CASS4: variants seen among roughly 807,000 people sequenced by gnomAD.
The protein encoded by CASS4 is cas scaffolding protein family member 4.
Under a neutral mutation model 54.2 loss-of-function variants are expected in CASS4, and 22 were observed. The observed-to-expected ratio is 0.41, with a 90% confidence interval of 0.29 to 0.58. The LOEUF is 0.58. Ranked by LOEUF, CASS4 falls within the 20% of genes least tolerant of loss-of-function variation. The probability of loss-of-function intolerance (pLI) is 0.36; values close to 1 mark genes in which losing one functional copy is unlikely to be tolerated. For synonymous variants in CASS4, 409 were observed against 391.5 expected (o/e 1.04, Z -0.53); for missense variants, 854 against 986.7 (o/e 0.87, Z 1.80).
chr20:56,420,555 ATTT>A (rs11475630), intron 1 of CASS4, among the ~76,000 whole-genome samples: 86 of 137,326 alleles, frequency 6.3e-4, no homozygotes, highest in African/African-American at 2.3e-3. Flanking sequence ...TGCCCATCTA[ATTT>A]TTTTTTTTTT....
At chr20:56,455,133 T>TAAA (rs11383849) in intron 5 of CASS4, among the ~76,000 whole-genome samples, 71 of 149,724 alleles carry the variant, frequency 4.7e-4, no homozygotes, top group African/African-American at 1.3e-3. Flanking sequence ...CTTCCTTTTT[T>TAAA]AAAAAAAAAA....
Position 56,450,647 on chromosome 20 carries a change from G to A in CASS4, c.610G>A (p.Ala204Thr). The A allele has an allele frequency of 3.1e-6, 5 of 1,614,150 alleles. No individual in the cohort carries two copies. The highest frequency in any genetic ancestry group is 4.2e-6 in the Non-Finnish European group (5 of 1,180,022). Reference sequence around the variant, plus strand: ...TGACATACCAGCCAGCCCCAAGAAGGCAGGACTCCATCCCCCAGACAGCCA... The same window carrying A: ...TGACATACCAGCCAGCCCCAAGAAGACAGGACTCCATCCCCCAGACAGCCA... ...LYDIPASPKKAGLHPPDSQAS... is the reference protein window; with the variant it reads ...LYDIPASPKKTGLHPPDSQAS... Residue 204 changes from alanine to threonine, a missense_variant, in exon 4 of 6, where the codon GCA (alanine) becomes ACA (threonine). Ala to Thr is a moderately conservative substitution (Grantham distance 58). Transcript: ENST00000679887.
At position 56,459,574 on chromosome 20, in the gene CASS4, G is replaced by A. The variant is rs1045692974; in HGVS notation, c.*827G>A. The A allele has an allele frequency of 6.5e-5, 13 of 200,934 alleles. No individual in the cohort carries two copies. The highest frequency in any genetic ancestry group is 3.4e-5 in the Non-Finnish European group (3 of 87,476). The allele number at this position is 200,934 out of a possible 1,614,324, so 12.4% of individuals were successfully genotyped here. A position where few individuals can be genotyped will look rare whatever the true frequency, so the allele number is the denominator to read the frequency against. On this transcript the variant is annotated 3_prime_UTR_variant, in exon 6 of 6. Transcript: ENST00000679887. ...AATCACTTAATCCTGGAAGTCTTAT[G>A]AGAAGACATGGCAAGAAGCAGAGTC...
rs558313544 is a variant in CASS4 at position 56,452,417 on chromosome 20, C to A, written c.1241C>A (p.Ser414Tyr). The A allele has an allele frequency of 1.2e-6, 2 of 1,614,042 alleles. No individual in the cohort carries two copies. The highest frequency in any genetic ancestry group is 4.5e-5 in the East Asian group (2 of 44,872). The change falls in exon 5 of 6, where the codon TCC becomes TAC. Residue 414 changes from serine (S) to tyrosine (Y), a missense_variant. Ser to Tyr is a moderately radical substitution (Grantham distance 144, BLOSUM62 -2). Coordinates refer to ENST00000679887, the MANE Select transcript of CASS4 (RefSeq NM_020356.4). ...AGAGCTAGCATCGTTTCCTCGTGCT[C>A]CACCACATCCACCGACGACTCCTCC... Reference protein sequence around the residue: ...DSRASIVSSCSTTSTDDSSSS... With the variant: ...DSRASIVSSCYTTSTDDSSSS...
chr20:56,453,084 C>T lies in CASS4; in HGVS notation c.1908C>T (p.His636=). Residue 636 remains histidine (H), a synonymous_variant, in exon 5 of 6, where the codon CAC becomes CAT. Transcript: ENST00000679887. ...CCACTAAGCAAAGGGAAGATGAACA[C>T]TCTTCTGAACTATTAAAGAAAAATA... is the stretch of plus-strand genomic sequence containing the variant. ...TPSTKQREDE[H]SSELLKKNRA... 4.3e-6 allele frequency: 7 copies of T among 1,614,020 alleles called. No homozygotes were observed. In the South Asian group the frequency reaches 7.7e-5, roughly 18 times the overall value.
intron 2 of CASS4, among the ~76,000 whole-genome samples, chr20:56,438,909 G>A (rs1463611366): frequency 6.6e-6 from 1 of 152,230 alleles, no homozygotes; most frequent in Admixed American, 6.5e-5. Context: ...GTATGTGAGT[G>A]TGTATGTGCA....
chr20:56,412,415 G>A lies in CASS4; in HGVS notation c.-44G>A, dbSNP rs750395450. 1.9e-6 allele frequency: 3 copies of A among 1,604,252 alleles called. No individual in the cohort carries two copies. The highest frequency in any genetic ancestry group is 2.6e-6 in the Non-Finnish European group (3 of 1,173,320). ...TGCACAATCTGCCTCTGAAGCTGGA[G>A]ATACTAGCTGCAGAGCTCAGGGGAG... On this transcript the variant is annotated 5_prime_UTR_variant, in exon 1 of 6. Coordinates refer to ENST00000679887, the MANE Select transcript of CASS4 (RefSeq NM_020356.4). The surrounding 1 kb of genome is among the most constrained non-coding windows in gnomAD (Gnocchi z 4.2).
At chr20:56,436,974 A>G (rs1209169039) in intron 1 of CASS4, among the ~76,000 whole-genome samples, 190 bp from the exon 2 acceptor site, 1 of 152,218 alleles carries the variant, frequency 6.6e-6, no homozygotes, top group African/African-American at 2.4e-5. Context: ...TGAGGATGTG[A>G]CATTTCACTT....
At chr20:56,450,388 C>T (rs922059655) in intron 3 of CASS4, among the ~76,000 whole-genome samples, 1 of 152,210 alleles carries the variant, frequency 6.6e-6, no homozygotes, top group South Asian at 2.1e-4. Context: ...GGAAAAAGGA[C>T]TGTGATGTCC....
chr20:56,434,963 A>T lies in CASS4; in HGVS notation c.37-2201A>T, dbSNP rs143453295. Among the ~76,000 whole-genome samples, 436 of 152,242 alleles carry T rather than the reference A, an allele frequency of 2.9e-3. 2 individuals are homozygous for T. The highest frequency in any genetic ancestry group is 0.01 in the African/African-American group (422 of 41,544). The stretch of plus-strand genomic sequence containing the variant: ...AATTTTCTTCTGTTTGCTTATTATT[A>T]TTTTTACTTTTTCTTTAATGAACTT... On this transcript the variant is annotated intron_variant, in intron 1 of 5. Coordinates refer to ENST00000679887, the MANE Select transcript of CASS4 (RefSeq NM_020356.4).
rs200561357 is a variant in CASS4 at position 56,414,865 on chromosome 20, T to TTA, written c.36+2384_36+2385dup. Among the ~76,000 whole-genome samples, 2,118 of 151,896 alleles carry TTA rather than the reference T, an allele frequency of 0.014. 42 individuals are homozygous for TTA. The highest frequency in any genetic ancestry group is 0.048 in the African/African-American group (1,999 of 41,422). On this transcript the variant is annotated intron_variant, in intron 1 of 5. Coordinates refer to ENST00000679887, the MANE Select transcript of CASS4 (RefSeq NM_020356.4). This position sits in a 1 kb window ranked among gnomAD's most constrained non-coding sequence, Gnocchi z 4.1. ...GGGAGGCTGAGGCAGGAGAATTGCT[T>TTA]TATATATATATATAAATAGTAGCCA...
intron 2 of CASS4, among the ~76,000 whole-genome samples, chr20:56,443,708 A>T (rs902720500): frequency 3.9e-5 from 6 of 152,108 alleles, no homozygotes; most frequent in African/African-American, 1.4e-4. Flanking sequence ...GTGTCTTGAT[A>T]GGCTCTGTGC....
chr20:56,420,728 A>G (rs1979376117), intron 1 of CASS4, among the ~76,000 whole-genome samples: 1 of 152,016 alleles, frequency 6.6e-6, no homozygotes, highest in African/African-American at 2.4e-5. Context: ...CCACGGTTGA[A>G]AGGGGAATAG....
chr20:56,415,146 A>G (rs1979068341), intron 1 of CASS4, among the ~76,000 whole-genome samples: 1 of 152,154 alleles, frequency 6.6e-6, no homozygotes, highest in Admixed American at 6.5e-5. Flanking sequence ...GGGGTTGGCA[A>G]ACTCTTCATA....
chr20:56,426,164 C>G (rs1979627051), intron 1 of CASS4, among the ~76,000 whole-genome samples: 1 of 152,218 alleles, frequency 6.6e-6, no homozygotes, highest in Non-Finnish European at 1.5e-5. Flanking sequence ...AGAGCACACT[C>G]CAGACCCAAA....
In CASS4 at chr20:56,430,450, A is replaced by G. The variant is rs1569142562; in HGVS notation, c.37-6714A>G. Among the ~76,000 whole-genome samples the G allele has an allele frequency of 1.3e-5, 2 of 152,228 alleles. No homozygotes were observed. The highest frequency in any genetic ancestry group is 2.9e-5 in the Non-Finnish European group (2 of 68,042). ...GTACCCACAAGGAACAAAAATGTGA[A>G]CATACATCCTCCTTCACCTCTGAAA... On this transcript the variant is annotated intron_variant, in intron 1 of 5. Coordinates refer to ENST00000679887, the MANE Select transcript of CASS4 (RefSeq NM_020356.4). This position sits in a 1 kb window ranked among gnomAD's most constrained non-coding sequence, Gnocchi z 4.2.
At chr20:56,428,579 A>G (rs1979750344) in intron 1 of CASS4, among the ~76,000 whole-genome samples, 1 of 152,116 alleles carries the variant, frequency 6.6e-6, no homozygotes, top group African/African-American at 2.4e-5. Flanking sequence ...ACCACACCCA[A>G]ATGTCTTACG....
rs1223499014 is a variant in CASS4 at position 56,437,439 on chromosome 20, C to G, written c.312C>G (p.Pro104=). The change falls in exon 2 of 6, where the codon CCC becomes CCG. Residue 104 remains proline, a synonymous_variant. Coordinates refer to ENST00000679887, the MANE Select transcript of CASS4 (RefSeq NM_020356.4). The surrounding 1 kb of genome is among the most constrained non-coding windows in gnomAD (Gnocchi z 4.7). Reference sequence around the variant, plus strand: ...AGACCTATCAGGTGCCCACTCTACCCCGCCCTCCCACTCCAGGCCCCGTTT... The same window carrying G: ...AGACCTATCAGGTGCCCACTCTACCGCGCCCTCCCACTCCAGGCCCCGTTT... ...SEETYQVPTL[P]RPPTPGPVYE... The G allele has an allele frequency of 6.2e-7, 1 of 1,613,988 alleles. No homozygotes were observed. The highest frequency in any genetic ancestry group is 8.5e-7 in the Non-Finnish European group (1 of 1,179,900).
At chr20:56,420,850 T>C (rs936974212) in intron 1 of CASS4, among the ~76,000 whole-genome samples, 11 of 152,124 alleles carry the variant, frequency 7.2e-5, no homozygotes, top group African/African-American at 2.7e-4. Flanking sequence ...GCCAGTTACA[T>C]AAGACATTCT....
Sources: gnomAD v4.1 joint callset for allele counts (sites outside exome capture counted in the v4.1 genomes callset) on GRCh38, gnomAD v4.1.1 for gene constraint, Gnocchi (gnomAD v3.1) non-coding constraint, MANE v1.5 for transcripts, NCBI Gene and HGNC (gene_info 2026-07-23, HGNC 2026-07-21) for gene names.